DYM: variants seen among roughly 807,000 people sequenced by gnomAD.
DYM encodes dymeclin, also known as dyggve-Melchior-Clausen syndrome protein.
In DYM, 78 loss-of-function variants were observed where a neutral mutation model predicts 93.1. That is an observed-to-expected ratio of 0.84 (90% CI 0.70 to 1.01). The LOEUF is 1.01. DYM is among the 50% of genes least tolerant of loss of function. DYM has a pLI of 0.00. For missense variants in DYM, 789 were observed against 845.0 expected, an observed-to-expected ratio of 0.93 and a Z score of 0.82; for synonymous variants, 321 against 319.7, an observed-to-expected ratio of 1.00 and a Z score of -0.04.
intron 14 of DYM, among the ~76,000 whole-genome samples, chr18:49,174,563 T>C (rs949962499): frequency 2.6e-5 from 4 of 152,070 alleles, no homozygotes; most frequent in African/African-American, 9.7e-5. Flanking sequence ...CCCCCTACTT[T>C]CAGAAACAGA....
chr18:49,079,993 G>A (rs1482929202), intron 17 of DYM, among the ~76,000 whole-genome samples: 16 of 149,838 alleles, frequency 1.1e-4, no homozygotes, highest in African/African-American at 3.9e-4. Flanking sequence ...GGGCAGAGGC[G>A]CCCCTCACCT....
chr18:49,452,704 G>A (rs768789147), intron 1 of DYM, among the ~76,000 whole-genome samples: 6 of 137,930 alleles, frequency 4.4e-5, no homozygotes, highest in African/African-American at 1.1e-4. Context: ...GCTCCCCAGC[G>A]CCTGGTCCCA....
rs187557335 is a variant in DYM, at chr18:49,063,729, C to A, written c.2026-19525G>T. 2.2e-4 allele frequency among the ~76,000 whole-genome samples: 33 copies of A among 148,568 alleles called. No individual in the cohort carries two copies. The South Asian group carries it at 3.4e-3, about 15-fold the overall frequency. ...GCAGCCTCCGCTTCCTGGGTTGAAG[C>A]GATTCTCCCATCTCAGCCTCCCAAG... On this transcript the variant is annotated intron_variant, in intron 17 of 17. Transcript: ENST00000675505.
At chr18:49,321,509 TA>T (rs2062478633) in intron 8 of DYM, 1 of 394,496 alleles carries the variant, frequency 2.5e-6, no homozygotes, top group Non-Finnish European at 4.5e-6. Context: ...GACATTAGAT[TA>T]TTTCCAATGA....
At chr18:49,376,906 C>T (rs999265597) in intron 5 of DYM, among the ~76,000 whole-genome samples, 2 of 152,206 alleles carry the variant, frequency 1.3e-5, no homozygotes, top group Non-Finnish European at 2.9e-5. Flanking sequence ...TCTCCAAAAC[C>T]GTTTCCTGAT....
chr18:49,154,334 T>C (rs1442298632), intron 15 of DYM, among the ~76,000 whole-genome samples: 1 of 152,190 alleles, frequency 6.6e-6, no homozygotes, highest in Non-Finnish European at 1.5e-5. Flanking sequence ...TTTTGATAAA[T>C]GTTACATGAT....
intron 13 of DYM, among the ~76,000 whole-genome samples, chr18:49,222,854 T>C (rs1198488418): frequency 1.3e-5 from 2 of 152,136 alleles, no homozygotes; most frequent in African/African-American, 4.8e-5. Context: ...ACTAGAAATT[T>C]GCCGTTTGGC....
chr18:49,183,135 T>C lies in DYM; in HGVS notation c.1626-19348A>G, dbSNP rs189823523. Among the ~76,000 whole-genome samples, 8 of 152,374 alleles carry C rather than the reference T, an allele frequency of 5.3e-5. No homozygotes were observed. The East Asian group carries it at 1.5e-3, about 29-fold the overall frequency. ...AGTATTTTAAATTTCACTGTGATTT[T>C]TTAAATACAACACTACGTATTTGAG... On this transcript the variant is annotated intron_variant, in intron 14 of 17. Coordinates refer to ENST00000675505, the MANE Select transcript of DYM (RefSeq NM_001353214.3).
At chr18:49,265,778 CAAA>C (rs202068472) in intron 11 of DYM, among the ~76,000 whole-genome samples, 8 of 53,126 alleles carry the variant, frequency 1.5e-4, no homozygotes, top group Admixed American at 2.0e-4. Context: ...AACTCCATCT[CAAA>C]AAAAAAAAAA....
At chr18:49,061,099 G>A (rs959904461) in intron 17 of DYM, among the ~76,000 whole-genome samples, 4 of 152,178 alleles carry the variant, frequency 2.6e-5, no homozygotes, top group Non-Finnish European at 4.4e-5. Flanking sequence ...CAGCGCCTCC[G>A]AACCATGGTG....
intron 14 of DYM, among the ~76,000 whole-genome samples, chr18:49,197,719 T>G (rs572672346): frequency 6.6e-5 from 10 of 152,120 alleles, no homozygotes; most frequent in East Asian, 3.9e-4. Flanking sequence ...CACTGCTCAA[T>G]GAAATAAAAG....
intron 2 of DYM, among the ~76,000 whole-genome samples, chr18:49,424,949 G>T (rs1396069921): frequency 6.6e-6 from 1 of 152,032 alleles, no homozygotes; most frequent in Admixed American, 6.6e-5. Context: ...AATCAATATC[G>T]TGAAAATGGC....
chr18:49,335,810 G>A (rs925555772), intron 6 of DYM, among the ~76,000 whole-genome samples: 4 of 138,366 alleles, frequency 2.9e-5, no homozygotes, highest in Non-Finnish European at 4.7e-5. Flanking sequence ...AACGTTTTCT[G>A]TCTTTTTTTT....
Position 49,292,592 on chromosome 18 carries a change from GAAAAAA to G in DYM, c.764-5982_764-5977del, listed in dbSNP as rs72415237. On this transcript the variant is annotated intron_variant, in intron 8 of 17. Transcript: ENST00000675505. ...TTAGTGGAATTGCATTTTCCTGTTG[GAAAAAA>G]AAAAAAAAAAAAAAAAAAAAAAAAA... Among the ~76,000 whole-genome samples, 146 of 78,776 alleles carry G rather than the reference GAAAAAA, an allele frequency of 1.9e-3. 10 individuals are homozygous for G. The highest frequency in any genetic ancestry group is 3.4e-3 in the South Asian group (7 of 2,086). 51.7% of individuals were successfully genotyped at this position (78,776 alleles called of 152,430 possible).
At chr18:49,316,712 A>G (rs1042983182) in intron 8 of DYM, among the ~76,000 whole-genome samples, 2 of 152,050 alleles carry the variant, frequency 1.3e-5, no homozygotes, top group African/African-American at 4.8e-5. Context: ...CTACTTATGT[A>G]TCTTCTCCTC....
At chr18:49,420,871 G>GCCTGGCTCGGAGGGTCCCACA in intron 2 of DYM, among the ~76,000 whole-genome samples, 1 of 152,196 alleles carries the variant, frequency 6.6e-6, no homozygotes, top group African/African-American at 2.4e-5. Flanking sequence ...TATATCCCAC[G>GCCTGGCTCGGAGGGTCCCACA]CCTGGCTCGG....
intron 1 of DYM, among the ~76,000 whole-genome samples, chr18:49,442,602 C>T (rs1305161625): frequency 6.6e-6 from 1 of 151,906 alleles, no homozygotes; most frequent in Non-Finnish European, 1.5e-5. Flanking sequence ...TCATAGAAAA[C>T]AGATGATTCT....
At chr18:49,073,640 C>G (rs2077071524) in intron 17 of DYM, among the ~76,000 whole-genome samples, 1 of 152,244 alleles carries the variant, frequency 6.6e-6, no homozygotes, top group African/African-American at 2.4e-5. Flanking sequence ...TAAATTCACC[C>G]TGCAAACCCA....
chr18:49,420,690 C>A (rs113807736), intron 2 of DYM, among the ~76,000 whole-genome samples: 13,847 of 152,030 alleles, frequency 0.091, 844 homozygotes, highest in East Asian at 0.31. Context: ...GTGGGTGCAG[C>A]CTGTGGACCG....
Sources: gnomAD v4.1 joint callset for allele counts (sites outside exome capture counted in the v4.1 genomes callset) on GRCh38, gnomAD v4.1.1 for gene constraint, MANE v1.5 for transcripts, NCBI Gene and HGNC (gene_info 2026-07-23, HGNC 2026-07-21) for gene names.